LMO7: variants seen among roughly 807,000 people sequenced by gnomAD.
The protein encoded by LMO7 is LIM domain 7, also known as LIM domain only protein 7.
A neutral mutation model predicts 206.5 loss-of-function variants in LMO7; 120 were observed. That is an observed-to-expected ratio of 0.58 (90% CI 0.50 to 0.68). LMO7 has a LOEUF of 0.68. LMO7 is among the 30% of genes least tolerant of loss of function. LMO7 has a pLI of 0.00. For synonymous variants in LMO7, 706 were observed against 681.5 expected (o/e 1.04, Z -0.56); for missense variants, 1,959 against 1,957.9 (o/e 1.00, Z -0.01).
intron 17 of LMO7, 132 bp downstream of exon 17, chr13:75,834,519 C>A: frequency 1.6e-6 from 1 of 627,164 alleles, no homozygotes. Flanking sequence ...TTTGTAGTTA[C>A]GTCATGACAA....
At chr13:75,715,729 C>G (rs1006166107) in intron 2 of LMO7, among the ~76,000 whole-genome samples, 1 of 152,178 alleles carries the variant, frequency 6.6e-6, no homozygotes, top group Non-Finnish European at 1.5e-5. Flanking sequence ...GCCCAGATAA[C>G]CATATTTAGT....
chr13:75,855,775 C>T (rs1291955516), intron 29 of LMO7, among the ~76,000 whole-genome samples: 1 of 152,146 alleles, frequency 6.6e-6, no homozygotes, highest in Non-Finnish European at 1.5e-5. Context: ...AAACCATTAC[C>T]ATTGTAGCTA....
chr13:75,668,263 A>G (rs995567988), intron 1 of LMO7, among the ~76,000 whole-genome samples: 1 of 152,194 alleles, frequency 6.6e-6, no homozygotes, highest in Admixed American at 6.5e-5. Flanking sequence ...CCTGGACTCA[A>G]ACTGCAAATT....
chr13:75,765,371 C>CTTT (rs77568842), intron 4 of LMO7, among the ~76,000 whole-genome samples: 1 of 118,812 alleles, frequency 8.4e-6, no homozygotes, highest in Non-Finnish European at 1.8e-5. Flanking sequence ...ACATCTTCAT[C>CTTT]TTTTTTTTTT....
intron 2 of LMO7, among the ~76,000 whole-genome samples, chr13:75,629,098 C>T (rs1593868750): frequency 1.3e-5 from 2 of 152,312 alleles, no homozygotes; most frequent in South Asian, 2.1e-4. Context: ...TCCTGCTAAA[C>T]ATCCTATGAT....
intron 1 of LMO7, among the ~76,000 whole-genome samples, chr13:75,695,400 C>T (rs1227735753): frequency 2.6e-5 from 4 of 152,222 alleles, no homozygotes; most frequent in South Asian, 4.1e-4. Flanking sequence ...CTCGCTCTGT[C>T]GCCCAGGCTG....
At chr13:75,655,605 A>G (rs954308991) in intron 1 of LMO7, among the ~76,000 whole-genome samples, 9 of 141,366 alleles carry the variant, frequency 6.4e-5, no homozygotes, top group Admixed American at 4.3e-4. Context: ...TGATGCTTCA[A>G]TTTATCTGCT....
rs114028748 is a variant in LMO7, at chr13:75,742,149, G to A, written c.210+15051G>A. ...AGTTGCCACAAAAAGAATAAAATAC[G>A]TAGGAATACAGCTAACCAGGGACGT... is the stretch of plus-strand genomic sequence containing the variant. On this transcript the variant is annotated intron_variant, in intron 3 of 30. Coordinates refer to ENST00000377534, the MANE Select transcript of LMO7 (RefSeq NM_001306080.2). Among the ~76,000 whole-genome samples the A allele has an allele frequency of 6.9e-3, 1,044 of 152,120 alleles. 15 individuals are homozygous for A. Among genetic ancestry groups the A allele is most frequent in the African/African-American group, 0.024 (998 of 41,518 alleles).
intron 15 of LMO7, among the ~76,000 whole-genome samples, chr13:75,826,388 C>A (rs2058118030): frequency 6.6e-6 from 1 of 152,118 alleles, no homozygotes; most frequent in Non-Finnish European, 1.5e-5. Context: ...AATTCAGGCC[C>A]TTTTCCTATC....
intron 1 of LMO7, among the ~76,000 whole-genome samples, chr13:75,671,209 C>CTTT (rs36091764): frequency 0.29 from 43,043 of 146,918 alleles, 6,928 homozygotes; most frequent in Non-Finnish European, 0.37. Context: ...TACAGTTAAC[C>CTTT]TTTTTTTTTT....
At chr13:75,820,613 TTAA>T (rs576026564) in intron 13 of LMO7, among the ~76,000 whole-genome samples, 8 of 152,342 alleles carry the variant, frequency 5.3e-5, no homozygotes, top group Admixed American at 3.9e-4. Flanking sequence ...CTCTTTACAA[TTAA>T]TAATATCCCA....
chr13:75,637,238 C>T (rs1156980213), intron 1 of LMO7, among the ~76,000 whole-genome samples: 2 of 152,142 alleles, frequency 1.3e-5, no homozygotes, highest in Non-Finnish European at 2.9e-5. Flanking sequence ...ACACCGAAGG[C>T]CCACCTGGAA....
intron 1 of LMO7, among the ~76,000 whole-genome samples, chr13:75,678,433 T>C (rs1416599514): frequency 6.6e-6 from 1 of 152,234 alleles, no homozygotes; most frequent in Non-Finnish European, 1.5e-5. Flanking sequence ...TGCACAAATA[T>C]CTTCTTTTGA....
Position 75,805,427 on chromosome 13 carries a change from CT to C in LMO7, c.915-51del, listed in dbSNP as rs1454487603. 5.2e-6 allele frequency: 8 copies of C among 1,546,136 alleles called. No homozygotes were observed. The Admixed American group carries it at 1.3e-4, about 24-fold the overall frequency. ...AACCAGAAAGCATGCCATTTGTGTTCTGTGTCACAAATGCTCATACAGTGTC... is the reference window on the plus strand; with the variant it reads ...AACCAGAAAGCATGCCATTTGTGTTCGTGTCACAAATGCTCATACAGTGTC... On this transcript the variant is annotated intron_variant, in intron 8 of 30. Transcript: ENST00000377534.
intron 2 of LMO7, chr13:75,627,638 C>G (rs991920336): frequency 6.6e-6 from 1 of 152,080 alleles, no homozygotes; most frequent in African/African-American, 2.4e-5. Context: ...TTAGGGAAAA[C>G]TGGACTTGAC....
intron 2 of LMO7, among the ~76,000 whole-genome samples, chr13:75,714,556 C>A (rs1386819410): frequency 6.6e-6 from 1 of 152,030 alleles, no homozygotes; most frequent in African/African-American, 2.4e-5. Context: ...TGTGGTTTCA[C>A]CTAACGTATA....
At position 75,800,610 on chromosome 13, in the gene LMO7, C is replaced by A. The variant is rs564389720; in HGVS notation, c.463-74C>A. On this transcript the variant is annotated intron_variant, in intron 6 of 30. Transcript: ENST00000377534. ...ACCCAACTTAAATTAGGCAAACAAG[C>A]AAGTAATAACCGATTGATTATATTT... 2.1e-4 allele frequency: 293 copies of A among 1,364,102 alleles called. 1 individual carries two copies. The African/African-American group carries it at 3.9e-3, about 18-fold the overall frequency. The allele number at this position is 1,364,102 out of a possible 1,614,324, so 84.5% of individuals were successfully genotyped here.
At chr13:75,667,935 G>T (rs547548111) in intron 1 of LMO7, among the ~76,000 whole-genome samples, 6 of 152,226 alleles carry the variant, frequency 3.9e-5, no homozygotes, top group Non-Finnish European at 7.3e-5. Context: ...TAGGCTGGGC[G>T]CAGTGGCTCA....
rs948225299 is a variant in LMO7, at chr13:75,636,576, C to T, written c.-82C>T. Reference sequence around the variant, plus strand: ...GTTGTGGGAGGCCCGCGTGCCCTCCCCGCCCGTGGGGCCCAGACGCGCGGG... The same window carrying T: ...GTTGTGGGAGGCCCGCGTGCCCTCCTCGCCCGTGGGGCCCAGACGCGCGGG... On this transcript the variant is annotated 5_prime_UTR_variant, in exon 1 of 31. Transcript: ENST00000377534. The T allele has an allele frequency of 2.3e-5, 36 of 1,537,998 alleles. No homozygotes were observed. Among genetic ancestry groups the T allele is most frequent in the Non-Finnish European group, 2.6e-5 (30 of 1,146,128 alleles).
Sources: gnomAD v4.1 joint callset for allele counts (sites outside exome capture counted in the v4.1 genomes callset) on GRCh38, gnomAD v4.1.1 for gene constraint, MANE v1.5 for transcripts, NCBI Gene and HGNC (gene_info 2026-07-23, HGNC 2026-07-21) for gene names.